RNF216: variants seen among roughly 807,000 people sequenced by gnomAD.
RNF216 encodes the protein ring finger protein 216.
Under a neutral mutation model 110.8 loss-of-function variants are expected in RNF216, and 72 were observed. That is an observed-to-expected ratio of 0.65 (90% CI 0.54 to 0.79). The LOEUF is 0.79. Among genes scored for constraint, RNF216 ranks in the 30% least tolerant of loss-of-function variants. The pLI is 0.00. For synonymous variants in RNF216, 495 were observed against 407.5 expected, an observed-to-expected ratio of 1.21 and a Z score of -2.59; for missense variants, 1,342 against 1,141.2, an observed-to-expected ratio of 1.18 and a Z score of -2.54.
chr7:5,711,865 A>G, intron 12 of RNF216, 26 bp from the exon 13 acceptor site: 4 of 1,597,628 alleles, frequency 2.5e-6, no homozygotes, highest in Non-Finnish European at 3.4e-6. Flanking sequence ...CAGAACTGAC[A>G]TTACTTCAAA....
intron 9 of RNF216, 152 bp from the exon 10 acceptor site, chr7:5,716,918 T>C (rs1793099494): frequency 3.7e-6 from 2 of 535,882 alleles, no homozygotes; most frequent in Non-Finnish European, 6.5e-6. Context: ...GAATAAATTT[T>C]AAGTGGATCA....
At chr7:5,626,034 A>G (rs1174741501) in intron 15 of RNF216, among the ~76,000 whole-genome samples, 1 of 152,232 alleles carries the variant, frequency 6.6e-6, no homozygotes, top group Non-Finnish European at 1.5e-5. Context: ...AGGCATGAAG[A>G]GAGGAGAGGT....
intron 10 of RNF216, among the ~76,000 whole-genome samples, chr7:5,716,180 C>T (rs917993988): frequency 8.5e-5 from 13 of 152,116 alleles, no homozygotes; most frequent in Non-Finnish European, 1.6e-4. Context: ...GCACGAGCCA[C>T]GGTGCCCGGC....
At chr7:5,712,402 G>C (rs1792764681) in intron 12 of RNF216, among the ~76,000 whole-genome samples, 1 of 152,018 alleles carries the variant, frequency 6.6e-6, no homozygotes, top group Non-Finnish European at 1.5e-5. Context: ...GAACTCAGGA[G>C]GCGGAGGTTG....
intron 8 of RNF216, among the ~76,000 whole-genome samples, chr7:5,723,661 A>C (rs1793582372): frequency 6.6e-6 from 1 of 152,092 alleles, no homozygotes; most frequent in African/African-American, 2.4e-5. Context: ...AAAAAAAATA[A>C]ATAAATAAAT....
intron 14 of RNF216, among the ~76,000 whole-genome samples, chr7:5,648,751 AAAAG>A (rs1236971945): frequency 6.6e-6 from 1 of 151,824 alleles, no homozygotes; most frequent in African/African-American, 2.4e-5. Context: ...AGAAAAGAAA[AAAAG>A]AAAACGCAGG....
In RNF216 at chr7:5,621,058, G is replaced by C. The variant is rs2128553307; in HGVS notation, c.*1802C>G. 1 of 152,428 alleles carries C rather than the reference G, an allele frequency of 6.6e-6. No individual in the cohort carries two copies. Among genetic ancestry groups the C allele is most frequent in the Non-Finnish European group, 1.5e-5 (1 of 68,116 alleles). The allele number at this position is 152,428 out of a possible 1,614,324, so 9.4% of individuals were successfully genotyped here. Reference sequence around the variant, plus strand: ...AGGTATGGGCGCCAGCAAGGACATAGCAGCAGGCTGCCCCCAAGCCCGGCC... The same window carrying C: ...AGGTATGGGCGCCAGCAAGGACATACCAGCAGGCTGCCCCCAAGCCCGGCC... On this transcript the variant is annotated 3_prime_UTR_variant, in exon 17 of 17. Coordinates refer to ENST00000389902, the MANE Select transcript of RNF216 (RefSeq NM_207111.4).
chr7:5,668,668 A>G (rs986707450), intron 13 of RNF216, among the ~76,000 whole-genome samples: 4 of 152,174 alleles, frequency 2.6e-5, no homozygotes, highest in Non-Finnish European at 5.9e-5. Context: ...GAATGATAAA[A>G]AGTATAGGTG....
chr7:5,665,341 G>A (rs1789437532), intron 13 of RNF216, among the ~76,000 whole-genome samples: 1 of 152,180 alleles, frequency 6.6e-6, no homozygotes, highest in South Asian at 2.1e-4. Context: ...CCCTAGTCCT[G>A]AGGAAAGGGC....
intron 1 of RNF216, among the ~76,000 whole-genome samples, chr7:5,772,684 T>C (rs1180136073): frequency 6.6e-6 from 1 of 152,052 alleles, no homozygotes; most frequent in East Asian, 1.9e-4. Flanking sequence ...TGTGAAGTTA[T>C]AGATACTATC....
chr7:5,740,825 T>C (rs1794710361), intron 4 of RNF216, 148 bp downstream of exon 4: 1 of 669,572 alleles, frequency 1.5e-6, no homozygotes, highest in Non-Finnish European at 2.3e-6. Context: ...CTTCAGAGTG[T>C]CTCTTCTATT....
At position 5,624,155 on chromosome 7, in the gene RNF216, C is replaced by G. The variant is rs369778446; in HGVS notation, c.2383-30G>C. On this transcript the variant is annotated intron_variant, in intron 15 of 16. Transcript: ENST00000389902. The surrounding 1 kb of genome is among the most constrained non-coding windows in gnomAD (Gnocchi z 4.4). ...AACGCAAGCAATGAGAAGGATGAAC[C>G]TGTAGCTTCATGCAGTGCTGAGGCC... is the stretch of plus-strand genomic sequence containing the variant. The G allele has an allele frequency of 1.5e-5, 24 of 1,599,572 alleles. No homozygotes were observed. The African/African-American group carries it at 1.9e-4, about 12-fold the overall frequency.
At chr7:5,745,470 G>A (rs896023605) in intron 3 of RNF216, among the ~76,000 whole-genome samples, 1 of 152,118 alleles carries the variant, frequency 6.6e-6, no homozygotes, top group South Asian at 2.1e-4. Flanking sequence ...AGGAAGTACC[G>A]TAATATAATT....
intron 13 of RNF216, among the ~76,000 whole-genome samples, chr7:5,656,206 T>C (rs566512019): frequency 3.3e-5 from 5 of 151,942 alleles, no homozygotes; most frequent in African/African-American, 9.7e-5. Flanking sequence ...GAGGTGGAGG[T>C]TGCATTGAGC....
chr7:5,725,841 CAAAAA>C (rs756914396), intron 7 of RNF216, among the ~76,000 whole-genome samples: 2 of 77,104 alleles, frequency 2.6e-5, no homozygotes. Context: ...CCAGCCTGGG[CAAAAA>C]AAAAAAAAAA....
chr7:5,645,112 G>A (rs182706583), intron 14 of RNF216, among the ~76,000 whole-genome samples: 1 of 152,172 alleles, frequency 6.6e-6, no homozygotes, highest in East Asian at 1.9e-4. Context: ...ACCGTGCCCC[G>A]CCTGTTTGCC....
Position 5,641,338 on chromosome 7 carries a change from T to A in RNF216, c.2198A>T (p.His733Leu). The change falls in exon 15 of 17, where the codon CAC becomes CTC. Residue 733 changes from histidine to leucine, a missense_variant. By Grantham distance (99) the His-to-Leu change is moderately conservative. Transcript: ENST00000389902. ...KMTAARIRKC[H>L]KCGTGLIKSE... Reference sequence around the variant, plus strand: ...TTTGATGAGGCCAGTCCCACACTTGTGGCATTTTCTAATGCGGGCAGCAGT... The same window carrying A: ...TTTGATGAGGCCAGTCCCACACTTGAGGCATTTTCTAATGCGGGCAGCAGT... 4 of 1,614,168 alleles carry A rather than the reference T, an allele frequency of 2.5e-6. No individual in the cohort carries two copies. Among genetic ancestry groups the A allele is most frequent in the African/African-American group, 1.3e-5 (1 of 75,034 alleles).
At chr7:5,734,889 C>T (rs1794305740) in intron 5 of RNF216, among the ~76,000 whole-genome samples, 1 of 138,000 alleles carries the variant, frequency 7.2e-6, no homozygotes, top group Non-Finnish European at 1.6e-5. Context: ...GGCATGGTGG[C>T]TCACGTCTCC....
chr7:5,722,873 GTAAT>G (rs1484810516), intron 8 of RNF216, among the ~76,000 whole-genome samples: 1 of 151,756 alleles, frequency 6.6e-6, no homozygotes, highest in Non-Finnish European at 1.5e-5. Context: ...GCGCACACCT[GTAAT>G]TAATTCCAGC....
Sources: allele counts gnomAD v4.1 joint callset (sites outside exome capture counted in the v4.1 genomes callset), GRCh38; gene constraint gnomAD v4.1.1; non-coding constraint Gnocchi (gnomAD v3.1); transcripts MANE v1.5; gene names NCBI Gene and HGNC (gene_info 2026-07-23, HGNC 2026-07-21).